The following PPP1R13L variants were observed in gnomAD, a reference collection of about 807,000 sequenced individuals.
PPP1R13L encodes the protein protein phosphatase 1 regulatory subunit 13 like.
PPP1R13L carries 50 observed loss-of-function variants against 80.9 expected under a neutral mutation model. The observed-to-expected ratio is 0.62, with a 90% CI of 0.49 to 0.78. PPP1R13L has a LOEUF of 0.78. Among genes scored for constraint, PPP1R13L ranks in the 30% least tolerant of loss-of-function variants. The probability of loss-of-function intolerance (pLI) is 0.00; values close to 1 mark genes in which losing one functional copy is unlikely to be tolerated. For missense variants in PPP1R13L, 1,200 were observed against 1,205.9 expected (o/e 1.00, Z 0.07); for synonymous variants, 602 against 534.3 (o/e 1.13, Z -1.75).
At position 45,385,805 on chromosome 19, in the gene PPP1R13L, C is replaced by T. The variant is rs376454726; in HGVS notation, c.2081+19G>A. The T allele has an allele frequency of 1.6e-5, 25 of 1,609,184 alleles. No homozygotes were observed. In the African/African-American group the frequency reaches 2.4e-4, roughly 15 times the overall value. ...TCCGCCCACGGGGGACCCAGCCCACCGCGCGGGTCGGGGCTCACCAGCCGT... is the reference window on the plus strand; with the variant it reads ...TCCGCCCACGGGGGACCCAGCCCACTGCGCGGGTCGGGGCTCACCAGCCGT... On this transcript the variant is annotated intron_variant, in intron 10 of 12. Coordinates refer to ENST00000360957, the MANE Select transcript of PPP1R13L (RefSeq NM_006663.4).
chr19:45,391,846 C>T, intron 8 of PPP1R13L, 34 bp downstream of exon 8: 1 of 1,418,670 alleles, frequency 7.0e-7, no homozygotes, highest in Non-Finnish European at 9.2e-7. Context: ...ATTCATGTAG[C>T]AAACATACCC....
Position 45,402,727 on chromosome 19 carries a change from C to G in PPP1R13L, c.-22+2272G>C, listed in dbSNP as rs1973257878. Among the ~76,000 whole-genome samples, 3 of 152,354 alleles carry G rather than the reference C, an allele frequency of 2.0e-5. No individual in the cohort carries two copies. The South Asian group carries it at 6.2e-4, about 32-fold the overall frequency. On this transcript the variant is annotated intron_variant, in intron 1 of 12. Coordinates refer to ENST00000360957, the MANE Select transcript of PPP1R13L (RefSeq NM_006663.4). ...CTCTCCCATGTGCTCCCCTCTAGCT[C>G]TAGCTCCGAGCTCTCCCGCGGGCTC...
intron 8 of PPP1R13L, 51 bp downstream of exon 8, chr19:45,391,829 C>T (rs1391753812): frequency 7.3e-7 from 1 of 1,361,758 alleles, no homozygotes; most frequent in East Asian, 2.5e-5. Context: ...TTTGCTACAG[C>T]TCCTGGATTC....
At chr19:45,392,775 T>A (rs1436243533) in intron 7 of PPP1R13L, 1 of 267,110 alleles carries the variant, frequency 3.7e-6, no homozygotes, top group Non-Finnish European at 7.3e-6. Context: ...TCTCCTAACA[T>A]CTCAGGCAGA....
chr19:45,382,239 T>C (rs1156884189), intron 12 of PPP1R13L, among the ~76,000 whole-genome samples: 2 of 151,104 alleles, frequency 1.3e-5, no homozygotes, highest in African/African-American at 4.9e-5. Context: ...GTTTCAGAAA[T>C]AAATAAATAA....
At chr19:45,390,550 G>A (rs1184975016) in intron 8 of PPP1R13L, among the ~76,000 whole-genome samples, 1 of 152,074 alleles carries the variant, frequency 6.6e-6, no homozygotes, top group Non-Finnish European at 1.5e-5. Flanking sequence ...TTGATCTATC[G>A]TGGCCCTTTC....
chr19:45,396,093 C>A lies in PPP1R13L; in HGVS notation c.903+75G>T. On this transcript the variant is annotated intron_variant, in intron 6 of 12. Coordinates refer to ENST00000360957, the MANE Select transcript of PPP1R13L (RefSeq NM_006663.4). The surrounding 1 kb of genome is among the most constrained non-coding windows in gnomAD (Gnocchi z 5.3). Reference sequence around the variant, plus strand: ...CCAGATCGCAGCCCCGAGGGGGAGACTGGCCTTGACCCCGCTCCCCCACCC... The same window carrying A: ...CCAGATCGCAGCCCCGAGGGGGAGAATGGCCTTGACCCCGCTCCCCCACCC... The A allele has an allele frequency of 6.7e-7, 1 of 1,486,708 alleles. No homozygotes were observed. Among genetic ancestry groups the A allele is most frequent in the South Asian group, 1.2e-5 (1 of 81,684 alleles). The allele number at this position is 1,486,708 out of a possible 1,614,324, so 92.1% of individuals were successfully genotyped here.
chr19:45,387,251 G>C (rs943093705), intron 8 of PPP1R13L, among the ~76,000 whole-genome samples: 3 of 151,886 alleles, frequency 2.0e-5, no homozygotes, highest in Non-Finnish European at 4.4e-5. Context: ...CTGGGCAACA[G>C]AGTGAGACCC....
chr19:45,383,146 CA>C (rs1972799757), intron 11 of PPP1R13L, among the ~76,000 whole-genome samples: 1 of 151,644 alleles, frequency 6.6e-6, no homozygotes, highest in East Asian at 1.9e-4. Flanking sequence ...AGGCGCCCGC[CA>C]CCACGCCTGG....
In PPP1R13L at chr19:45,395,787, A is replaced by C; in HGVS notation, c.1003T>G (p.Ser335Ala). Residue 335 changes from serine (S) to alanine (A), a missense_variant, in exon 7 of 13, where the codon TCC becomes GCC. By Grantham distance (99) the Ser-to-Ala change is moderately conservative (BLOSUM62 1). Around this residue, in one of 5 missense-constraint regions of PPP1R13L, gnomAD observed 764 missense variants for 714.5 expected, o/e 1.07. Coordinates refer to ENST00000360957, the MANE Select transcript of PPP1R13L (RefSeq NM_006663.4). ...GGCAAAGTGCCCGACGGCCCCGCGG[A>C]GCCCAGCGAGCGCCGGTAGCTGCCC... ...DAGSYRRSLG[S>A]AGPSGTLPRS... 6.4e-7 allele frequency: 1 copy of C among 1,571,942 alleles called. No homozygotes were observed. Among genetic ancestry groups the C allele is most frequent in the African/African-American group, 1.3e-5 (1 of 74,366 alleles).
At position 45,396,949 on chromosome 19, in the gene PPP1R13L, G is replaced by A. The variant is rs779801049; in HGVS notation, c.308C>T (p.Ala103Val). ...CGGGCTGTAGGGGTGTAGGGTTGGG[G>A]CACTCTCTGATCGTCCGAACGGGGT... ...ADTPFGRSES[A>V]PTLHPYSPLS... is the part of the protein sequence containing the mutation. The change falls in exon 4 of 13, where the codon GCC (alanine) becomes GTC (valine). Residue 103 changes from alanine to valine, a missense_variant. By Grantham distance (64) the Ala-to-Val change is moderately conservative. Transcript: ENST00000360957. This position sits in a 1 kb window ranked among gnomAD's most constrained non-coding sequence, Gnocchi z 5.3. The A allele has an allele frequency of 2.1e-6, 3 of 1,429,592 alleles. No individual in the cohort carries two copies. Among genetic ancestry groups the A allele is most frequent in the Non-Finnish European group, 1.8e-6 (2 of 1,093,350 alleles). The allele number at this position is 1,429,592 out of a possible 1,614,324, so 88.6% of individuals were successfully genotyped here.
chr19:45,386,234 T>C, intron 8 of PPP1R13L, 54 bp from the exon 9 acceptor site: 3 of 1,444,308 alleles, frequency 2.1e-6, no homozygotes, highest in South Asian at 1.5e-5. Flanking sequence ...AGTATATCCA[T>C]GATCTAGAGT....
chr19:45,382,770 G>C (rs768398419), intron 11 of PPP1R13L, 44 bp from the exon 12 acceptor site: 2 of 1,605,254 alleles, frequency 1.2e-6, no homozygotes, highest in African/African-American at 1.3e-5. Flanking sequence ...TGGCCCAGGG[G>C]GTCCAGGAAC....
Position 45,386,031 on chromosome 19 carries a change from C to T in PPP1R13L, c.1947+18G>A. The T allele has an allele frequency of 6.3e-7, 1 of 1,590,256 alleles. No individual in the cohort carries two copies. Among genetic ancestry groups the T allele is most frequent in the African/African-American group, 1.3e-5 (1 of 74,682 alleles). On this transcript the variant is annotated intron_variant, in intron 9 of 12. Coordinates refer to ENST00000360957, the MANE Select transcript of PPP1R13L (RefSeq NM_006663.4). ...GCGATGCCCCCGCCGTGCCCACCTC[C>T]CGCTCAGCAGCGCTCACCTCCTTCA... is the stretch of plus-strand genomic sequence containing the variant.
intron 6 of PPP1R13L, 47 bp from the exon 7 acceptor site, chr19:45,395,933 TGGAGG>T (rs902902688): frequency 6.8e-7 from 1 of 1,480,096 alleles, no homozygotes; most frequent in African/African-American, 1.4e-5. Flanking sequence ...AGAGGGAAGG[TGGAGG>T]GGAGGTAAAG....
At chr19:45,389,767 A>G (rs1568556322) in intron 8 of PPP1R13L, among the ~76,000 whole-genome samples, 1 of 152,034 alleles carries the variant, frequency 6.6e-6, no homozygotes, top group Non-Finnish European at 1.5e-5. Context: ...GCCGAGACTC[A>G]CTTGTTTTTA....
At position 45,386,174 on chromosome 19, in the gene PPP1R13L, G is replaced by T. The variant is rs551500702; in HGVS notation, c.1822C>A (p.Arg608Ser). The T allele has an allele frequency of 3.5e-5, 53 of 1,522,324 alleles. No individual in the cohort carries two copies. The highest frequency in any genetic ancestry group is 4.2e-5 in the Non-Finnish European group (48 of 1,149,290). The allele number at this position is 1,522,324 out of a possible 1,614,324, so 94.3% of individuals were successfully genotyped here. Residue 608 changes from arginine to serine, a missense_variant, in exon 9 of 13, where the codon CGC (arginine) becomes AGC (serine). Transcript: ENST00000360957. ...PPEQPQSMEMRSVLRKAGSPR... is the reference protein window; with the variant it reads ...PPEQPQSMEMSSVLRKAGSPR... ...GAGCCCGCCTTCCGCAGCACAGAGC[G>T]CATCTCCTGGGGGACAGGGCGCAGA... is the stretch of plus-strand genomic sequence containing the variant.
At chr19:45,381,875 G>A (rs531588572) in intron 12 of PPP1R13L, among the ~76,000 whole-genome samples, 2 of 152,152 alleles carry the variant, frequency 1.3e-5, no homozygotes, top group East Asian at 3.9e-4. Context: ...GGGAGGCAGA[G>A]GTTGCAGTGA....
At chr19:45,380,902 T>C (rs923222288) in intron 12 of PPP1R13L, among the ~76,000 whole-genome samples, 2 of 150,840 alleles carry the variant, frequency 1.3e-5, no homozygotes, top group Admixed American at 1.3e-4. Flanking sequence ...TGTAACGGAA[T>C]CTTCCTTGCC....
Sources: allele counts gnomAD v4.1 joint callset (sites outside exome capture counted in the v4.1 genomes callset), GRCh38; gene constraint gnomAD v4.1.1; regional missense constraint gnomAD v4.1.1; non-coding constraint Gnocchi (gnomAD v3.1); transcripts MANE v1.5; gene names NCBI Gene and HGNC (gene_info 2026-07-23, HGNC 2026-07-21).